Variants in ANKRD30B observed in about 807,000 individuals in gnomAD.
ANKRD30B encodes the protein ankyrin repeat domain-containing protein 30B.
ANKRD30B carries 144 observed loss-of-function variants against 202.2 expected under a neutral mutation model. The ratio of observed to expected loss-of-function variants is 0.71; its 90% CI spans 0.62 to 0.82. The LOEUF (loss-of-function observed/expected upper bound fraction) is 0.82. ANKRD30B is among the 40% of genes least tolerant of loss of function. The probability of loss-of-function intolerance (pLI) is 0.00; values close to 1 mark genes in which losing one functional copy is unlikely to be tolerated. For synonymous variants in ANKRD30B, 508 were observed against 561.3 expected, an observed-to-expected ratio of 0.91 and a Z score of 1.34; for missense variants, 1,487 against 1,669.1, an observed-to-expected ratio of 0.89 and a Z score of 1.90.
chr18:14,797,157 C>T (rs1408845914), intron 18 of ANKRD30B, among the ~76,000 whole-genome samples: 1 of 152,090 alleles, frequency 6.6e-6, no homozygotes, highest in Non-Finnish European at 1.5e-5. Context: ...CCTAGAAGAG[C>T]CGTGGCAAGA....
At chr18:14,842,741 T>C (rs2792541) in intron 37 of ANKRD30B, among the ~76,000 whole-genome samples, 156 bp from the exon 38 acceptor site, 1 of 120,934 alleles carries the variant, frequency 8.3e-6, no homozygotes, top group Admixed American at 8.5e-5. Flanking sequence ...TGTCATGTGA[T>C]TGTCCTAAAG....
chr18:14,764,576 G>T (rs1185857671), intron 7 of ANKRD30B, among the ~76,000 whole-genome samples: 1 of 151,884 alleles, frequency 6.6e-6, no homozygotes, highest in Admixed American at 6.6e-5. Context: ...TGTATTTTTA[G>T]TAGAGACAGG....
At chr18:14,849,241 A>T (rs1971785775) in intron 40 of ANKRD30B, among the ~76,000 whole-genome samples, 1 of 151,916 alleles carries the variant, frequency 6.6e-6, no homozygotes, top group Non-Finnish European at 1.5e-5. Flanking sequence ...ACATAACTGC[A>T]TGTAAATCTT....
chr18:14,808,767 T>G (rs767262555), intron 26 of ANKRD30B, 23 bp downstream of exon 26: 1 of 1,410,856 alleles, frequency 7.1e-7, no homozygotes, highest in South Asian at 1.4e-5. Context: ...ATTTAAATTT[T>G]AATCTGGAAT....
At chr18:14,804,947 T>A (rs1969411818) in intron 24 of ANKRD30B, among the ~76,000 whole-genome samples, 1 of 150,702 alleles carries the variant, frequency 6.6e-6, no homozygotes, top group African/African-American at 2.5e-5. Context: ...TTTAGAATAT[T>A]TTTACTGCAG....
At chr18:14,853,669 C>T (rs1478220118) in intron 42 of ANKRD30B, among the ~76,000 whole-genome samples, 140 bp from the exon 43 acceptor site, 1 of 151,778 alleles carries the variant, frequency 6.6e-6, no homozygotes, top group Admixed American at 6.6e-5. Context: ...CTTCTTGTGT[C>T]CTTAAGTAAA....
At chr18:14,748,962 T>C (rs1912956282) in intron 1 of ANKRD30B, among the ~76,000 whole-genome samples, 1 of 152,244 alleles carries the variant, frequency 6.6e-6, no homozygotes, top group Admixed American at 6.5e-5. Flanking sequence ...ACTCACAAAA[T>C]TAAGTACATA....
At chr18:14,921,939 C>A in the ANKRD30B span, among the ~76,000 whole-genome samples, 1 of 152,134 alleles carries the variant, frequency 6.6e-6, no homozygotes, top group Non-Finnish European at 1.5e-5. Flanking sequence ...TGCCAGACAC[C>A]AAATTTAACA....
chr18:14,837,859 C>G (rs1971246815), intron 36 of ANKRD30B, among the ~76,000 whole-genome samples, 183 bp downstream of exon 36: 1 of 151,996 alleles, frequency 6.6e-6, no homozygotes. Flanking sequence ...ACTAAAAATA[C>G]AAAAAATTTA....
the ANKRD30B span, among the ~76,000 whole-genome samples, chr18:14,909,139 G>A: frequency 1.3e-5 from 2 of 152,288 alleles, no homozygotes; most frequent in South Asian, 2.1e-4. Context: ...GGCAGTGGAG[G>A]GGTTTTGTCT....
At chr18:14,831,542 G>A in intron 34 of ANKRD30B, 87 bp downstream of exon 34, 1 of 586,958 alleles carries the variant, frequency 1.7e-6, no homozygotes, top group Non-Finnish European at 2.9e-6. Context: ...AGTGGTGTAT[G>A]TATCATAATT....
the ANKRD30B span, among the ~76,000 whole-genome samples, chr18:14,900,662 A>G: frequency 1.4e-4 from 22 of 152,292 alleles, no homozygotes; most frequent in South Asian, 2.5e-3. Context: ...TCCATTTCCC[A>G]GTCTTTGTTA....
intron 15 of ANKRD30B, among the ~76,000 whole-genome samples, chr18:14,789,490 C>T (rs1461533154): frequency 6.6e-6 from 1 of 152,050 alleles, no homozygotes; most frequent in Admixed American, 6.6e-5. Context: ...AATGGTAATG[C>T]CTAGGTTTTC....
At chr18:14,826,683 TCTCTCTCTCTCA>T in intron 32 of ANKRD30B, among the ~76,000 whole-genome samples, 10 of 29,742 alleles carry the variant, frequency 3.4e-4, no homozygotes, top group African/African-American at 6.7e-4. Context: ...TCCCCCTCTC[TCTCTCTCTCTCA>T]CACACACACA....
chr18:14,896,347 G>A, the ANKRD30B span, among the ~76,000 whole-genome samples: 14 of 152,170 alleles, frequency 9.2e-5, no homozygotes, highest in East Asian at 5.8e-4. Context: ...TAGCCAGGAT[G>A]GTCTCGATCT....
At chr18:14,847,093 T>G (rs1934769) in intron 39 of ANKRD30B, among the ~76,000 whole-genome samples, 75,153 of 131,174 alleles carry the variant, frequency 0.57, 20,965 homozygotes, top group African/African-American at 0.64. Flanking sequence ...TATATATATA[T>G]GTATAATGTT....
intron 30 of ANKRD30B, among the ~76,000 whole-genome samples, chr18:14,820,286 T>C (rs1970346780): frequency 6.6e-6 from 1 of 152,208 alleles, no homozygotes. Context: ...GTTTTCTAGA[T>C]ATACAATCAT....
In ANKRD30B at chr18:14,760,608, T is replaced by C. The variant is rs1422396844; in HGVS notation, c.810T>C (p.Asn270=). 1.3e-6 allele frequency: 2 copies of C among 1,535,968 alleles called. No homozygotes were observed. Among genetic ancestry groups the C allele is most frequent in the Non-Finnish European group, 1.8e-6 (2 of 1,137,748 alleles). The change falls in exon 6 of 44, where the codon AAT becomes AAC. Residue 270 remains asparagine, a synonymous_variant. Coordinates refer to ENST00000690538, the MANE Select transcript of ANKRD30B (RefSeq NM_001367607.2). ...HIRKLPKNPQ[N]TNPEGTSTGT... ...GAAAATTACCTAAAAATCCTCAAAA[T>C]ACCAATCCAGGTAAGACTTCGGATA... is the stretch of plus-strand genomic sequence containing the variant.
At chr18:14,792,810 C>G (rs1320414833) in intron 16 of ANKRD30B, among the ~76,000 whole-genome samples, 2 of 151,686 alleles carry the variant, frequency 1.3e-5, no homozygotes, top group Middle Eastern at 3.2e-3. Context: ...AGAACCTTGG[C>G]TTTATTTTTA....
Sources: gnomAD v4.1 joint callset for allele counts (sites outside exome capture counted in the v4.1 genomes callset) on GRCh38, gnomAD v4.1.1 for gene constraint, MANE v1.5 for transcripts, NCBI Gene and HGNC (gene_info 2026-07-23, HGNC 2026-07-21) for gene names.